The following USH2A variants were observed in gnomAD, a reference collection of about 807,000 sequenced individuals.
USH2A encodes usherin.
USH2A carries 443 observed loss-of-function variants against 538.9 expected under a neutral mutation model. That is an observed-to-expected ratio of 0.82 (90% CI 0.76 to 0.89). USH2A has a LOEUF of 0.89. Among genes scored for constraint, USH2A ranks in the 40% least tolerant of loss-of-function variants. The probability of loss-of-function intolerance (pLI) is 0.00; values close to 1 mark genes in which losing one functional copy is unlikely to be tolerated. For missense variants in USH2A, 6,633 were observed against 6,324.8 expected (o/e 1.05, Z -1.65); for synonymous variants, 2,413 against 2,273.5 (o/e 1.06, Z -1.75).
In USH2A at chr1:216,190,314, T is replaced by A; in HGVS notation, c.4305A>T (p.Lys1435Asn). Residue 1435 changes from lysine (K) to asparagine (N), a missense_variant, in exon 20 of 72, where the codon AAA (lysine) becomes AAT (asparagine). Lys to Asn is a moderately conservative substitution (Grantham distance 94, BLOSUM62 0). Transcript: ENST00000307340. ...QELSYTVEGL[K>N]PYRIYEFTIT... ...TAGTAAACTCATATATCCTATAAGG[T>A]TTCAGTCCTTCTACAGTGTAAGATA... 6.2e-7 allele frequency: 1 copy of A among 1,612,232 alleles called. No homozygotes were observed. The highest frequency in any genetic ancestry group is 8.5e-7 in the Non-Finnish European group (1 of 1,178,976).
At chr1:216,349,334 T>C (rs2038234093) in intron 4 of USH2A, among the ~76,000 whole-genome samples, 1 of 151,804 alleles carries the variant, frequency 6.6e-6, no homozygotes, top group Non-Finnish European at 1.5e-5. Context: ...AAGGAGGGGG[T>C]AATTGTCAGG....
chr1:216,261,986 A>G (rs188972974), intron 11 of USH2A, among the ~76,000 whole-genome samples: 11 of 152,188 alleles, frequency 7.2e-5, no homozygotes, highest in African/African-American at 2.7e-4. Flanking sequence ...AAGAAACTTC[A>G]CAGAGACTAC....
At chr1:216,058,631 T>C (rs1449540701) in intron 30 of USH2A, among the ~76,000 whole-genome samples, 1 of 127,224 alleles carries the variant, frequency 7.9e-6, no homozygotes, top group Non-Finnish European at 1.7e-5. Context: ...TTTTTTCTAT[T>C]GGGAAATGTG....
intron 10 of USH2A, 66 bp downstream of exon 10, chr1:216,292,109 T>A (rs1001276221): frequency 6.6e-7 from 1 of 1,511,638 alleles, no homozygotes; most frequent in Non-Finnish European, 9.2e-7. Flanking sequence ...TAATTTAAAA[T>A]AATATGCATT....
At chr1:215,772,720 T>G (rs1453315326) in intron 55 of USH2A, among the ~76,000 whole-genome samples, 4 of 152,214 alleles carry the variant, frequency 2.6e-5, no homozygotes, top group Non-Finnish European at 5.9e-5. Flanking sequence ...CTTTAGCCAT[T>G]ATAATTTCAC....
chr1:215,880,581 G>GTA lies in USH2A; in HGVS notation c.8224-1485_8224-1484dup, dbSNP rs550567218. Among the ~76,000 whole-genome samples, 15 of 152,298 alleles carry GTA rather than the reference G, an allele frequency of 9.8e-5. No individual in the cohort carries two copies. In the East Asian group the frequency reaches 2.7e-3, roughly 27 times the overall value. On this transcript the variant is annotated intron_variant, in intron 41 of 71. Coordinates refer to ENST00000307340, the MANE Select transcript of USH2A (RefSeq NM_206933.4). Reference sequence around the variant, plus strand: ...AAACACCCTAAAACTAGCAAAGGTTGTAGCACAGATATAGGACGCTATTTG... The same window carrying GTA: ...AAACACCCTAAAACTAGCAAAGGTTGTATAGCACAGATATAGGACGCTATTTG...
intron 38 of USH2A, among the ~76,000 whole-genome samples, chr1:215,930,315 C>G (rs776061948): frequency 1.6e-4 from 25 of 151,860 alleles, no homozygotes; most frequent in Non-Finnish European, 3.4e-4. Flanking sequence ...TAAACTATGC[C>G]CTTTTATGCT....
chr1:216,024,832 T>G (rs1345374260), intron 32 of USH2A, among the ~76,000 whole-genome samples: 1 of 151,992 alleles, frequency 6.6e-6, no homozygotes, highest in Non-Finnish European at 1.5e-5. Flanking sequence ...ACAGATGCCA[T>G]GTTTTATCTG....
chr1:216,129,747 C>G (rs2033330431), intron 21 of USH2A, among the ~76,000 whole-genome samples: 1 of 151,612 alleles, frequency 6.6e-6, no homozygotes, highest in Admixed American at 6.6e-5. Context: ...TAGAACAGTC[C>G]AAGACATCCT....
chr1:215,768,420 T>C (rs984770140), intron 55 of USH2A, among the ~76,000 whole-genome samples: 3 of 152,224 alleles, frequency 2.0e-5, no homozygotes, highest in African/African-American at 4.8e-5. Context: ...GCTAAAGCAA[T>C]AATGTTCTGC....
intron 4 of USH2A, among the ~76,000 whole-genome samples, chr1:216,346,019 G>C (rs12085974): frequency 0.018 from 2,764 of 152,158 alleles, 88 homozygotes; most frequent in African/African-American, 0.061. Context: ...CAGGTTCAGG[G>C]TTCAATTCCC....
chr1:216,382,567 T>C (rs929896617), intron 3 of USH2A, among the ~76,000 whole-genome samples: 5 of 152,174 alleles, frequency 3.3e-5, no homozygotes, highest in African/African-American at 1.2e-4. Flanking sequence ...ATTTGAATTT[T>C]GAAAGCTCAC....
chr1:216,272,947 C>T (rs1268166410), intron 11 of USH2A, among the ~76,000 whole-genome samples: 1 of 152,006 alleles, frequency 6.6e-6, no homozygotes, highest in Non-Finnish European at 1.5e-5. Flanking sequence ...GGTTATGTGG[C>T]CACAGAACTC....
At chr1:216,269,499 A>G (rs2036536028) in intron 11 of USH2A, among the ~76,000 whole-genome samples, 1 of 152,086 alleles carries the variant, frequency 6.6e-6, no homozygotes, top group South Asian at 2.1e-4. Context: ...TACAGTTACT[A>G]AGTGGCCCAA....
At chr1:215,832,152 C>T (rs1298565306) in intron 47 of USH2A, among the ~76,000 whole-genome samples, 1 of 151,792 alleles carries the variant, frequency 6.6e-6, no homozygotes, top group Non-Finnish European at 1.5e-5. Flanking sequence ...GTTAAAAAAC[C>T]TTCCATCAAA....
At chr1:215,898,854 A>G (rs1438201671) in intron 40 of USH2A, among the ~76,000 whole-genome samples, 1 of 152,168 alleles carries the variant, frequency 6.6e-6, no homozygotes, top group East Asian at 1.9e-4. Context: ...AAGGTGGTGA[A>G]TTAATGCTTT....
intron 11 of USH2A, among the ~76,000 whole-genome samples, chr1:216,256,214 G>A (rs192660272): frequency 2.0e-5 from 3 of 151,556 alleles, no homozygotes; most frequent in Non-Finnish European, 4.4e-5. Flanking sequence ...TATTTTAAGT[G>A]GAGTATTTAG....
chr1:216,222,814 A>G (rs1381134728), intron 14 of USH2A, among the ~76,000 whole-genome samples: 1 of 152,138 alleles, frequency 6.6e-6, no homozygotes, highest in Non-Finnish European at 1.5e-5. Flanking sequence ...CCCTGTCTCT[A>G]TTAAAAATAC....
chr1:216,422,519 A>G lies in USH2A; in HGVS notation c.-183T>C, dbSNP rs2039697166. 1.3e-6 allele frequency: 1 copy of G among 749,636 alleles called. No homozygotes were observed. Among genetic ancestry groups the G allele is most frequent in the Middle Eastern group, 2.8e-4 (1 of 3,628 alleles). 46.4% of individuals were successfully genotyped at this position (749,636 alleles called of 1,614,324 possible). A position where few individuals can be genotyped will look rare whatever the true frequency, so the allele number is the denominator to read the frequency against. ...CCAACGACGTTCTTAGCAATGGCGAAGACATGAGTAGCTGCTGGTATCTGG... is the reference window on the plus strand; with the variant it reads ...CCAACGACGTTCTTAGCAATGGCGAGGACATGAGTAGCTGCTGGTATCTGG... On this transcript the variant is annotated 5_prime_UTR_variant, in exon 2 of 72. Coordinates refer to ENST00000307340, the MANE Select transcript of USH2A (RefSeq NM_206933.4).
Sources: allele counts gnomAD v4.1 joint callset (sites outside exome capture counted in the v4.1 genomes callset), GRCh38; gene constraint gnomAD v4.1.1; transcripts MANE v1.5; gene names NCBI Gene and HGNC (gene_info 2026-07-23, HGNC 2026-07-21).